The following PARP15 variants were observed in gnomAD, a reference collection of about 807,000 sequenced individuals.
The protein encoded by PARP15 is protein mono-ADP-ribosyltransferase PARP15.
In PARP15, 50 loss-of-function variants were observed where a neutral mutation model predicts 62.1. The ratio of observed to expected loss-of-function variants is 0.81; its 90% CI spans 0.64 to 1.02. The LOEUF (loss-of-function observed/expected upper bound fraction) is 1.02. PARP15 is among the 50% of genes least tolerant of loss of function. The pLI, the probability that PARP15 is intolerant of heterozygous loss-of-function variation, is 0.00. For synonymous variants in PARP15, 309 were observed against 293.1 expected (o/e 1.05, Z -0.55); for missense variants, 820 against 826.5 (o/e 0.99, Z 0.10).
At chr3:122,631,274 A>C (rs1294468611) in intron 9 of PARP15, among the ~76,000 whole-genome samples, 2 of 152,218 alleles carry the variant, frequency 1.3e-5, no homozygotes, top group African/African-American at 4.8e-5. Context: ...AAAAGAGCTT[A>C]CTGATTAGGG....
intron 9 of PARP15, among the ~76,000 whole-genome samples, 182 bp downstream of exon 9, chr3:122,627,215 T>G (rs1001215134): frequency 1.3e-5 from 2 of 152,160 alleles, no homozygotes; most frequent in Non-Finnish European, 2.9e-5. Context: ...CAACTGATTA[T>G]TTTCCTGAGA....
chr3:122,636,263 A>G lies in PARP15; in HGVS notation c.*163A>G. The G allele has an allele frequency of 1.5e-6, 1 of 675,458 alleles. No homozygotes were observed. Among genetic ancestry groups the G allele is most frequent in the Non-Finnish European group, 2.4e-6 (1 of 411,984 alleles). The allele number at this position is 675,458 out of a possible 1,614,324, so 41.8% of individuals were successfully genotyped here. On this transcript the variant is annotated 3_prime_UTR_variant, in exon 12 of 12. Transcript: ENST00000464300. ...GTGCTCTATTGCTGCGATTTGTAGCATACCTTTTTTTCTCAGCAAATTGAT... is the reference window on the plus strand; with the variant it reads ...GTGCTCTATTGCTGCGATTTGTAGCGTACCTTTTTTTCTCAGCAAATTGAT...
chr3:122,597,186 T>C (rs79975588), intron 1 of PARP15, among the ~76,000 whole-genome samples: 12,829 of 152,222 alleles, frequency 0.084, 548 homozygotes, highest in Non-Finnish European at 0.1. Flanking sequence ...AGAAGGCTTC[T>C]GAAAGCCTTT....
chr3:122,617,347 A>G (rs1936046656), intron 6 of PARP15, among the ~76,000 whole-genome samples, 183 bp downstream of exon 6: 1 of 152,198 alleles, frequency 6.6e-6, no homozygotes, highest in South Asian at 2.1e-4. Flanking sequence ...TGGACAAGTC[A>G]CTTAACCTCT....
chr3:122,636,146 C>A lies in PARP15; in HGVS notation c.*46C>A, dbSNP rs773014660. The A allele has an allele frequency of 4.6e-6, 7 of 1,538,192 alleles. No homozygotes were observed. Among genetic ancestry groups the A allele is most frequent in the East Asian group, 2.3e-5 (1 of 44,262 alleles). On this transcript the variant is annotated 3_prime_UTR_variant, in exon 12 of 12. Coordinates refer to ENST00000464300, the MANE Select transcript of PARP15 (RefSeq NM_001113523.3). ...AGATGATTTAAGTCATCTGTAAGAA[C>A]AACATGCAATCTTTGTCTTTGCTTC...
chr3:122,623,521 AG>A (rs1033399469), intron 8 of PARP15, among the ~76,000 whole-genome samples: 5 of 152,200 alleles, frequency 3.3e-5, no homozygotes, highest in African/African-American at 1.2e-4. Context: ...AAATGCCCAC[AG>A]GTAGATTGTG....
At chr3:122,609,710 T>G (rs111718074) in intron 2 of PARP15, among the ~76,000 whole-genome samples, 6 of 131,172 alleles carry the variant, frequency 4.6e-5, no homozygotes, top group African/African-American at 2.3e-4. Context: ...AAAAAAAAAA[T>G]TAAAAAAAAA....
intron 9 of PARP15, among the ~76,000 whole-genome samples, chr3:122,627,593 T>C (rs181339227): frequency 1.3e-5 from 2 of 152,362 alleles, no homozygotes; most frequent in East Asian, 3.9e-4. Flanking sequence ...TTCCCCTATT[T>C]TGTGGCATTT....
chr3:122,613,293 T>C, intron 4 of PARP15, 25 bp downstream of exon 4: 1 of 1,506,056 alleles, frequency 6.6e-7, no homozygotes, highest in Non-Finnish European at 9.0e-7. Flanking sequence ...CCCATCTGGT[T>C]AATTCTGGCA....
Position 122,634,924 on chromosome 3 carries a change from C to T in PARP15, c.1573-96C>T. The T allele has an allele frequency of 4.8e-6, 6 of 1,262,542 alleles. No homozygotes were observed. In the South Asian group the frequency reaches 5.5e-5, roughly 12 times the overall value. 78.2% of individuals were successfully genotyped at this position (1,262,542 alleles called of 1,614,324 possible). A position where few individuals can be genotyped will look rare whatever the true frequency, so the allele number is the denominator to read the frequency against. On this transcript the variant is annotated intron_variant, in intron 10 of 11. Coordinates refer to ENST00000464300, the MANE Select transcript of PARP15 (RefSeq NM_001113523.3). ...CCTTCACCAAATTCTCTTCCTCTTC[C>T]TTCTTTTTCATATTGCTTATTTTAA...
At chr3:122,602,614 C>G (rs1532646) in intron 1 of PARP15, among the ~76,000 whole-genome samples, 4 of 152,064 alleles carry the variant, frequency 2.6e-5, no homozygotes, top group Non-Finnish European at 4.4e-5. Context: ...CAAAATTGTT[C>G]CTAATATTTT....
intron 9 of PARP15, among the ~76,000 whole-genome samples, chr3:122,629,255 C>A (rs1936918257): frequency 1.3e-5 from 2 of 152,154 alleles, no homozygotes; most frequent in Non-Finnish European, 2.9e-5. Flanking sequence ...CGCTGCCTCC[C>A]AGGCTCAAGC....
chr3:122,613,110 C>T lies in PARP15; in HGVS notation c.613C>T (p.Pro205Ser). 29 of 1,551,802 alleles carry T rather than the reference C, an allele frequency of 1.9e-5. No individual in the cohort carries two copies. The highest frequency in any genetic ancestry group is 2.5e-5 in the Non-Finnish European group (29 of 1,146,988). The change falls in exon 4 of 12, where the codon CCC (proline) becomes TCC (serine). Residue 205 changes from proline (P) to serine (S), a missense_variant. Physicochemically the swap from Pro to Ser is moderately conservative, Grantham distance 74. Around this residue, in one of 3 missense-constraint regions of PARP15, gnomAD observed 731 missense variants for 727.7 expected, o/e 1.00. Coordinates refer to ENST00000464300, the MANE Select transcript of PARP15 (RefSeq NM_001113523.3). ...EVLSFSSITF[P>S]MIGTGSLQFP... ...GCTATCTTTCTCATCAATCACATTT[C>T]CCATGATTGGAACAGGAAGTTTGCA...
intron 1 of PARP15, among the ~76,000 whole-genome samples, chr3:122,587,775 C>T (rs1296057377): frequency 1.3e-5 from 2 of 152,178 alleles, no homozygotes; most frequent in African/African-American, 4.8e-5. Context: ...CCTTCTCAGT[C>T]TCCTAAAGTA....
At chr3:122,634,261 T>C (rs1442725968) in intron 10 of PARP15, among the ~76,000 whole-genome samples, 1 of 152,160 alleles carries the variant, frequency 6.6e-6, no homozygotes, top group Non-Finnish European at 1.5e-5. Context: ...CTCCTGACCA[T>C]CCCTTATCAC....
At chr3:122,596,573 T>TTCACCTTCAAGATATATTCAGAATCTG in intron 1 of PARP15, among the ~76,000 whole-genome samples, 1 of 152,140 alleles carries the variant, frequency 6.6e-6, no homozygotes. Context: ...GGAAATCCTG[T>TTCACCTTCAAGATATATTCAGAATCTG]TCACCTTCAA....
At chr3:122,606,819 A>G (rs1273568714) in intron 2 of PARP15, among the ~76,000 whole-genome samples, 2 of 152,206 alleles carry the variant, frequency 1.3e-5, no homozygotes, top group Non-Finnish European at 2.9e-5. Flanking sequence ...TTAGAATTCT[A>G]TAGCCCCACC....
In PARP15 at chr3:122,589,887, A is replaced by ATTTTTTTTT. The variant is rs1559928879; in HGVS notation, c.186+12034_186+12035insTTTTTTTTT. 1.5e-5 allele frequency among the ~76,000 whole-genome samples: 2 copies of ATTTTTTTTT among 130,384 alleles called. 1 individual carries two copies. 85.5% of individuals were successfully genotyped at this position (130,384 alleles called of 152,430 possible). A position where few individuals can be genotyped will look rare whatever the true frequency, so the allele number is the denominator to read the frequency against. On this transcript the variant is annotated intron_variant, in intron 1 of 11. Coordinates refer to ENST00000464300, the MANE Select transcript of PARP15 (RefSeq NM_001113523.3). ...CAAAATGTATTATTTGTAAGGCATA[A>ATTTTTTTTT]CTTTTTTTTTTTTTTTTTTTTTGAG...
rs377410686 is a variant in PARP15, at chr3:122,638,957, T to C, written c.*2857T>C. Reference sequence around the variant, plus strand: ...TATAGAATTATAAAGTTTTTAAAAATGTAATCATCATTATTTATAGTTTAA... The same window carrying C: ...TATAGAATTATAAAGTTTTTAAAAACGTAATCATCATTATTTATAGTTTAA... On this transcript the variant is annotated 3_prime_UTR_variant, in exon 12 of 12. Coordinates refer to ENST00000464300, the MANE Select transcript of PARP15 (RefSeq NM_001113523.3). 3.3e-5 allele frequency: 5 copies of C among 152,234 alleles called. No homozygotes were observed. The highest frequency in any genetic ancestry group is 1.2e-4 in the African/African-American group (5 of 41,472). 9.4% of individuals were successfully genotyped at this position (152,234 alleles called of 1,614,324 possible).
Sources: allele counts gnomAD v4.1 joint callset (sites outside exome capture counted in the v4.1 genomes callset), GRCh38; gene constraint gnomAD v4.1.1; regional missense constraint gnomAD v4.1.1; transcripts MANE v1.5; gene names NCBI Gene and HGNC (gene_info 2026-07-23, HGNC 2026-07-21).